GABRB3: variants seen among roughly 807,000 people sequenced by gnomAD.
GABRB3 encodes the protein gamma-aminobutyric acid type A receptor subunit beta3.
A neutral mutation model predicts 52.1 loss-of-function variants in GABRB3; 14 were observed. The observed-to-expected ratio is 0.27, with a 90% CI of 0.18 to 0.42. The LOEUF is 0.42. Among genes scored for constraint, GABRB3 ranks in the 10% least tolerant of loss-of-function variants. The pLI, the probability that GABRB3 is intolerant of heterozygous loss-of-function variation, is 1.00. For missense variants in GABRB3, 307 were observed against 609.1 expected (o/e 0.50, Z 5.22); for synonymous variants, 260 against 232.3 (o/e 1.12, Z -1.08).
intron 3 of GABRB3, among the ~76,000 whole-genome samples, chr15:26,738,556 T>C (rs1248981862): frequency 6.6e-6 from 1 of 152,192 alleles, no homozygotes; most frequent in African/African-American, 2.4e-5. Flanking sequence ...AAAGCTAAGC[T>C]TGTGGTGAAT....
chr15:26,765,308 T>C (rs1365991596), intron 3 of GABRB3, among the ~76,000 whole-genome samples: 6 of 152,172 alleles, frequency 3.9e-5, no homozygotes, highest in Non-Finnish European at 8.8e-5. Context: ...TTTACTCTTC[T>C]TTCTGCTTTG....
In GABRB3 at chr15:26,547,340, G is replaced by A; in HGVS notation, c.*453C>T. On this transcript the variant is annotated 3_prime_UTR_variant, in exon 9 of 9. Coordinates refer to ENST00000311550, the MANE Select transcript of GABRB3 (RefSeq NM_000814.6). ...GTATGAGTTTTCAAAGATTAACTAAGAATGTCTTTCTGATTTTTAAACTAA... is the reference window on the plus strand; with the variant it reads ...GTATGAGTTTTCAAAGATTAACTAAAAATGTCTTTCTGATTTTTAAACTAA... 1 of 410,446 alleles carries A rather than the reference G, an allele frequency of 2.4e-6. No individual in the cohort carries two copies. 25.4% of individuals were successfully genotyped at this position (410,446 alleles called of 1,614,324 possible).
intron 3 of GABRB3, among the ~76,000 whole-genome samples, chr15:26,622,417 T>C (rs959576109): frequency 1.3e-5 from 2 of 152,212 alleles, no homozygotes; most frequent in African/African-American, 4.8e-5. Flanking sequence ...TGACCAAGTC[T>C]AAAAATCTAG....
intron 3 of GABRB3, among the ~76,000 whole-genome samples, chr15:26,637,172 A>T (rs1035999847): frequency 7.9e-5 from 12 of 152,102 alleles, no homozygotes; most frequent in African/African-American, 2.9e-4. Context: ...TCTGGCAACA[A>T]CACCCTCTAT....
chr15:26,667,015 G>GTA (rs76088035), intron 3 of GABRB3, among the ~76,000 whole-genome samples: 2 of 151,948 alleles, frequency 1.3e-5, no homozygotes, highest in African/African-American at 4.8e-5. Flanking sequence ...CCACCCCCGT[G>GTA]CACACCAATT....
chr15:26,715,453 G>A (rs1357589409), intron 3 of GABRB3, among the ~76,000 whole-genome samples: 3 of 152,088 alleles, frequency 2.0e-5, no homozygotes, highest in Non-Finnish European at 4.4e-5. Flanking sequence ...GAAGAGAGAG[G>A]AGAGAAAACC....
At chr15:26,658,778 T>C (rs185014771) in intron 3 of GABRB3, 5 of 152,368 alleles carry the variant, frequency 3.3e-5, no homozygotes, top group East Asian at 3.9e-4. Flanking sequence ...TCCTCACCCA[T>C]AGTAATTGAC....
chr15:26,740,066 T>G (rs1409615072), intron 3 of GABRB3, among the ~76,000 whole-genome samples: 1 of 152,170 alleles, frequency 6.6e-6, no homozygotes, highest in South Asian at 2.1e-4. Context: ...TCTAAGCCAG[T>G]GTGGGTATCA....
At chr15:26,681,277 C>T (rs1297974661) in intron 3 of GABRB3, among the ~76,000 whole-genome samples, 2 of 152,156 alleles carry the variant, frequency 1.3e-5, no homozygotes, top group Admixed American at 1.3e-4. Flanking sequence ...CATCTCCTTC[C>T]TCAGGGAGAA....
At chr15:26,726,830 G>A (rs962008144) in intron 3 of GABRB3, among the ~76,000 whole-genome samples, 3 of 150,074 alleles carry the variant, frequency 2.0e-5, no homozygotes, top group African/African-American at 5.1e-5. Context: ...ATTATGTGGG[G>A]AGATACCTTG....
rs931669362 is a variant in GABRB3 at position 26,616,021 on chromosome 15, T to C, written c.461+5293A>G. On this transcript the variant is annotated intron_variant, in intron 4 of 8. Transcript: ENST00000311550. ...CATGGGGAATTTAACTTCAGTGTTC[T>C]CAGCTGTGCCAGACCTCCTCCAGGC... 34 of 1,289,236 alleles carry C rather than the reference T, an allele frequency of 2.6e-5. 1 individual carries two copies. The African/African-American group carries it at 3.5e-4, about 13-fold the overall frequency. 79.9% of individuals were successfully genotyped at this position (1,289,236 alleles called of 1,614,324 possible). A position where few individuals can be genotyped will look rare whatever the true frequency, so the allele number is the denominator to read the frequency against.
chr15:26,769,805 T>G (rs949539712), intron 3 of GABRB3, among the ~76,000 whole-genome samples: 5 of 152,158 alleles, frequency 3.3e-5, no homozygotes, highest in Admixed American at 6.5e-5. Context: ...TGTCACTTGT[T>G]CCTCTAATGG....
At chr15:26,679,076 G>A (rs369853349) in intron 3 of GABRB3, among the ~76,000 whole-genome samples, 10 of 152,076 alleles carry the variant, frequency 6.6e-5, no homozygotes, top group Admixed American at 1.3e-4. Context: ...CATCCGCCCC[G>A]GGGGCACCAA....
intron 7 of GABRB3, among the ~76,000 whole-genome samples, chr15:26,562,454 C>T (rs766040954): frequency 2.0e-5 from 3 of 152,212 alleles, no homozygotes; most frequent in Non-Finnish European, 4.4e-5. Flanking sequence ...CATAATCCTT[C>T]ATCCTCAGTA....
intron 3 of GABRB3, among the ~76,000 whole-genome samples, chr15:26,718,320 T>A (rs1031758169): frequency 6.6e-6 from 1 of 152,196 alleles, no homozygotes; most frequent in South Asian, 2.1e-4. Context: ...GTGATTCTCC[T>A]GCCTCAGCCT....
At chr15:26,620,029 T>C (rs1892419531) in intron 4 of GABRB3, among the ~76,000 whole-genome samples, 1 of 152,116 alleles carries the variant, frequency 6.6e-6, no homozygotes, top group Admixed American at 6.5e-5. Context: ...TGGGGGCAGG[T>C]AAATGGCTCC....
At chr15:26,636,500 GCCACCAT>G (rs1229220277) in intron 3 of GABRB3, among the ~76,000 whole-genome samples, 1 of 151,850 alleles carries the variant, frequency 6.6e-6, no homozygotes, top group East Asian at 1.9e-4. Context: ...CTCTTTTTAT[GCCACCAT>G]CCACCCACTC....
At chr15:26,739,350 G>A (rs1820303094) in intron 3 of GABRB3, among the ~76,000 whole-genome samples, 1 of 152,006 alleles carries the variant, frequency 6.6e-6, no homozygotes, top group South Asian at 2.1e-4. Flanking sequence ...GTGCCGAGTA[G>A]AAGGAATAGT....
intron 3 of GABRB3, among the ~76,000 whole-genome samples, chr15:26,631,905 A>G (rs957620370): frequency 6.6e-6 from 1 of 152,200 alleles, no homozygotes; most frequent in Non-Finnish European, 1.5e-5. Context: ...CCATAGGCCA[A>G]GAACCATACT....
Sources: gnomAD v4.1 joint callset for allele counts (sites outside exome capture counted in the v4.1 genomes callset) on GRCh38, gnomAD v4.1.1 for gene constraint, MANE v1.5 for transcripts, NCBI Gene and HGNC (gene_info 2026-07-23, HGNC 2026-07-21) for gene names.